Variants in CRLF2 observed in about 807,000 individuals in gnomAD.
The protein encoded by CRLF2 is cytokine receptor-like factor 2.
A neutral mutation model predicts 38.7 loss-of-function variants in CRLF2; 41 were observed. That is an observed-to-expected ratio of 1.06 (90% CI 0.83 to 1.37). The LOEUF (loss-of-function observed/expected upper bound fraction) is 1.37, where lower values mean the gene tolerates loss of function less well. CRLF2 is among the 40% of genes most tolerant of loss of function. CRLF2 has a pLI of 0.00. For missense variants in CRLF2, 377 were observed against 322.2 expected (o/e 1.17, Z -1.30); for synonymous variants, 140 against 128.8 (o/e 1.09, Z -0.59).
chrX:1,200,690 GTA>G (rs1332116338), intron 4 of CRLF2, among the ~76,000 whole-genome samples: 12 of 52,948 alleles, frequency 2.3e-4, no homozygotes, highest in African/African-American at 7.1e-4. Context: ...GTGTGTGTGT[GTA>G]TATGTGTGTG....
intron 1 of CRLF2, among the ~76,000 whole-genome samples, chrX:1,211,232 G>T (rs1270307377): frequency 1.0e-4 from 15 of 150,596 alleles, no homozygotes; most frequent in African/African-American, 3.7e-4. Context: ...TGTGTACATG[G>T]ATGGGTGGGT....
Position 1,204,081 on chromosome X carries a change from C to T in CRLF2, c.350-1546G>A, listed in dbSNP as rs1488253158. On this transcript the variant is annotated intron_variant, in intron 3 of 7. Transcript: ENST00000400841. The stretch of plus-strand genomic sequence containing the variant: ...CCAGCCTGGGCAACAGAGCAAGACC[C>T]TCTCTCTCAAAAAAAAGAGAGAACA... Among the ~76,000 whole-genome samples the T allele has an allele frequency of 2.1e-4, 6 of 28,776 alleles. No individual in the cohort carries two copies. In the East Asian group the frequency reaches 0.014, roughly 65 times the overall value. The allele number at this position is 28,776 out of a possible 152,430, so 18.9% of individuals were successfully genotyped here.
intron 1 of CRLF2, 44 bp from the exon 2 acceptor site, chrX:1,208,952 A>AT (rs752859429): frequency 2.9e-5 from 30 of 1,041,220 alleles, no homozygotes; most frequent in African/African-American, 1.1e-4. Flanking sequence ...AGGCAACTCT[A>AT]TTTTTTTATT....
At chrX:1,192,844 C>T (rs1193120736) in intron 7 of CRLF2, among the ~76,000 whole-genome samples, 3 of 147,462 alleles carry the variant, frequency 2.0e-5, no homozygotes, top group African/African-American at 7.5e-5. Context: ...GACAGAGTCT[C>T]ACTCTGTCAC....
chrX:1,201,302 G>A (rs2086600654), intron 4 of CRLF2, among the ~76,000 whole-genome samples: 1 of 150,784 alleles, frequency 6.6e-6, no homozygotes, highest in Admixed American at 6.7e-5. Flanking sequence ...GTGTGTCTGT[G>A]CATGTCTGTG....
intron 7 of CRLF2, among the ~76,000 whole-genome samples, chrX:1,191,467 C>T (rs1461701854): frequency 6.6e-6 from 1 of 151,456 alleles, no homozygotes; most frequent in Non-Finnish European, 1.5e-5. Context: ...GAGGTCTAAG[C>T]CCCTACAAAG....
intron 3 of CRLF2, among the ~76,000 whole-genome samples, 180 bp downstream of exon 3, chrX:1,206,253 G>T (rs1344107419): frequency 6.6e-6 from 1 of 151,760 alleles, no homozygotes; most frequent in Admixed American, 6.6e-5. Flanking sequence ...CTGGAGCTTG[G>T]TTTTTCGTTA....
At chrX:1,204,955 G>A (rs145730816) in intron 3 of CRLF2, among the ~76,000 whole-genome samples, 2,122 of 152,090 alleles carry the variant, frequency 0.014, 23 homozygotes, top group Middle Eastern at 0.041. Context: ...GAACAGCTAG[G>A]ATTACAGGCA....
At chrX:1,209,891 C>A (rs1391875301) in intron 1 of CRLF2, among the ~76,000 whole-genome samples, 2 of 151,666 alleles carry the variant, frequency 1.3e-5, no homozygotes, top group Non-Finnish European at 2.9e-5. Context: ...CACCCGAGGT[C>A]AGGAGTTCGA....
intron 1 of CRLF2, among the ~76,000 whole-genome samples, chrX:1,209,289 TTGTATTGTAG>T (rs1321834180): frequency 9.4e-6 from 1 of 106,782 alleles, no homozygotes; most frequent in Admixed American, 1.1e-4. Context: ...TTGTATTGCA[TTGTATTGTAG>T]TGTAGTGTAG....
intron 7 of CRLF2, among the ~76,000 whole-genome samples, chrX:1,191,988 G>T (rs1351129633): frequency 6.9e-6 from 1 of 145,372 alleles, no homozygotes. Flanking sequence ...GGTGGATCAT[G>T]AGGTGAGGAG....
At chrX:1,195,403 G>A (rs2147824444) in intron 6 of CRLF2, among the ~76,000 whole-genome samples, 1 of 151,782 alleles carries the variant, frequency 6.6e-6, no homozygotes, top group South Asian at 2.1e-4. Flanking sequence ...AGCTTACCTG[G>A]ACTTCTTTAG....
intron 4 of CRLF2, among the ~76,000 whole-genome samples, chrX:1,199,948 T>C (rs1309561068): frequency 1.3e-5 from 2 of 151,734 alleles, no homozygotes; most frequent in African/African-American, 2.4e-5. Flanking sequence ...TGTATATATG[T>C]GTATATATAA....
chrX:1,195,810 TTAA>T (rs1187984233), intron 6 of CRLF2, among the ~76,000 whole-genome samples: 4 of 70,004 alleles, frequency 5.7e-5, no homozygotes, highest in East Asian at 4.5e-4. Flanking sequence ...ATATTATATA[TTAA>T]ATTATATATA....
intron 5 of CRLF2, among the ~76,000 whole-genome samples, chrX:1,197,241 C>T (rs775720996): frequency 1.1e-4 from 16 of 151,394 alleles, no homozygotes; most frequent in Admixed American, 4.6e-4. Flanking sequence ...GACAGGCATC[C>T]GCCACCACAC....
At chrX:1,197,454 G>A (rs2086504347) in intron 5 of CRLF2, among the ~76,000 whole-genome samples, 1 of 151,994 alleles carries the variant, frequency 6.6e-6, no homozygotes. Flanking sequence ...TGCTGGAGGT[G>A]TTTACAGCAT....
intron 6 of CRLF2, 131 bp from the exon 7 acceptor site, chrX:1,193,433 A>G (rs2147821356): frequency 2.5e-6 from 1 of 392,744 alleles, no homozygotes; most frequent in Non-Finnish European, 4.5e-6. Context: ...ACATGGACAC[A>G]TGTGTCTCCT....
intron 7 of CRLF2, among the ~76,000 whole-genome samples, chrX:1,192,614 C>G (rs1439240114): frequency 1.3e-5 from 2 of 150,026 alleles, no homozygotes; most frequent in East Asian, 2.0e-4. Context: ...TTCTTTCTTT[C>G]CTTCTTTCTC....
intron 7 of CRLF2, among the ~76,000 whole-genome samples, chrX:1,192,708 T>TTTCTTTCTTTCTTTC (rs1333556562): frequency 3.6e-5 from 4 of 110,102 alleles, no homozygotes; most frequent in South Asian, 6.5e-4. Context: ...TTTTCTTTTC[T>TTTCTTTCTTTCTTTC]TTTCTTTCTT....
Sources: allele counts gnomAD v4.1 joint callset (sites outside exome capture counted in the v4.1 genomes callset), GRCh38; gene constraint gnomAD v4.1.1; transcripts MANE v1.5; gene names NCBI Gene and HGNC (gene_info 2026-07-23, HGNC 2026-07-21).